The following KHDRBS1 variants were observed in gnomAD, a reference collection of about 807,000 sequenced individuals.
The protein encoded by KHDRBS1 is KH domain-containing, RNA-binding, signal transduction-associated protein 1.
A neutral mutation model predicts 48.4 loss-of-function variants in KHDRBS1; 7 were observed. The observed-to-expected ratio is 0.14, with a 90% CI of 0.08 to 0.27. The LOEUF is 0.27. Among genes scored for constraint, KHDRBS1 ranks in the 10% least tolerant of loss-of-function variants. The pLI is 1.00. For synonymous variants in KHDRBS1, 241 were observed against 235.8 expected (o/e 1.02, Z -0.20); for missense variants, 458 against 601.2 (o/e 0.76, Z 2.49).
chr1:32,038,341 A>T (rs370513768), intron 6 of KHDRBS1, among the ~76,000 whole-genome samples: 1 of 152,068 alleles, frequency 6.6e-6, no homozygotes, highest in Non-Finnish European at 1.5e-5. Flanking sequence ...TCCTGCCCAC[A>T]CTTCTTCTGT....
At chr1:32,036,243 C>T (rs1569801004) in intron 4 of KHDRBS1, among the ~76,000 whole-genome samples, 2 of 133,106 alleles carry the variant, frequency 1.5e-5, no homozygotes, top group Admixed American at 9.0e-5. Flanking sequence ...GCTATCTTGG[C>T]TCACTGCAAG....
chr1:32,036,122 A>T (rs991949925), intron 4 of KHDRBS1, among the ~76,000 whole-genome samples: 1 of 151,416 alleles, frequency 6.6e-6, no homozygotes, highest in Non-Finnish European at 1.5e-5. Context: ...TTAACTGTAA[A>T]ATGTGGAGAT....
chr1:32,030,521 A>AGTTT, intron 2 of KHDRBS1, 99 bp downstream of exon 2: 2 of 1,002,444 alleles, frequency 2.0e-6, no homozygotes, highest in Non-Finnish European at 2.8e-6. Flanking sequence ...TGCTTTAGAA[A>AGTTT]CTTAAGCCTG....
intron 1 of KHDRBS1, among the ~76,000 whole-genome samples, chr1:32,027,956 T>C (rs1251290537): frequency 6.6e-6 from 1 of 151,726 alleles, no homozygotes; most frequent in Non-Finnish European, 1.5e-5. Flanking sequence ...CTACTAAAAA[T>C]AGGGAAAAAA....
intron 3 of KHDRBS1, among the ~76,000 whole-genome samples, chr1:32,032,881 G>C (rs1044316164): frequency 4.6e-5 from 7 of 151,998 alleles, no homozygotes; most frequent in African/African-American, 1.7e-4. Context: ...GTAGAGACGG[G>C]GCTTCATCAC....
rs757671366 is a variant in KHDRBS1 at position 32,013,945 on chromosome 1, T to A, written c.-51T>A. 1.4e-5 allele frequency: 20 copies of A among 1,383,782 alleles called. No individual in the cohort carries two copies. The highest frequency in any genetic ancestry group is 1.8e-5 in the Non-Finnish European group (19 of 1,071,932). 85.7% of individuals were successfully genotyped at this position (1,383,782 alleles called of 1,614,324 possible). On this transcript the variant is annotated 5_prime_UTR_variant, in exon 1 of 9. Transcript: ENST00000327300. ...ACCCCCGCCAACCGCCGCTCGGGCC[T>A]CCGTCGCTGCCGCGTCGCTTTCTCG...
chr1:32,043,445 T>G lies in KHDRBS1; in HGVS notation c.*821T>G, dbSNP rs1228297455. The G allele has an allele frequency of 6.6e-6, 1 of 152,570 alleles. No homozygotes were observed. Among genetic ancestry groups the G allele is most frequent in the Non-Finnish European group, 1.5e-5 (1 of 68,024 alleles). The allele number at this position is 152,570 out of a possible 1,614,324, so 9.5% of individuals were successfully genotyped here. Reference sequence around the variant, plus strand: ...GAGGGAAGGCCTCCTGAATTGAGTTTGATGCAGAGCTTTTTAGCCATGAAG... The same window carrying G: ...GAGGGAAGGCCTCCTGAATTGAGTTGGATGCAGAGCTTTTTAGCCATGAAG... On this transcript the variant is annotated 3_prime_UTR_variant, in exon 9 of 9. Coordinates refer to ENST00000327300, the MANE Select transcript of KHDRBS1 (RefSeq NM_006559.3).
At chr1:32,036,163 A>ATTTTTTTTTTTTTTTTTTTTTT (rs397742842) in intron 4 of KHDRBS1, among the ~76,000 whole-genome samples, 1 of 60,470 alleles carries the variant, frequency 1.7e-5, no homozygotes, top group African/African-American at 7.3e-5. Flanking sequence ...CATTTTGAAG[A>ATTTTTTTTTTTTTTTTTTTTTT]TTTTTTTTTT....
intron 1 of KHDRBS1, among the ~76,000 whole-genome samples, chr1:32,025,732 C>CTCCT (rs370649470): frequency 4.4e-4 from 58 of 133,084 alleles, no homozygotes; most frequent in African/African-American, 1.6e-3. Flanking sequence ...CCTCCCTTCC[C>CTCCT]TCCTTCCTTC....
chr1:32,045,498 G>A (rs1203456357), downstream of KHDRBS1: 1 of 152,488 alleles, frequency 6.6e-6, no homozygotes, highest in Non-Finnish European at 1.5e-5. Flanking sequence ...AATCTTTTTT[G>A]TGGTCATTTG....
At chr1:32,028,418 C>T (rs992892393) in intron 1 of KHDRBS1, among the ~76,000 whole-genome samples, 1 of 149,826 alleles carries the variant, frequency 6.7e-6, no homozygotes, top group African/African-American at 2.5e-5. Context: ...TATTCTATTA[C>T]AGACTATTCT....
At chr1:32,037,797 A>G (rs778046001) in intron 5 of KHDRBS1, 38 bp from the exon 6 acceptor site, 1 of 1,601,520 alleles carries the variant, frequency 6.2e-7, no homozygotes, top group African/African-American at 1.3e-5. Flanking sequence ...TGGCCTGTTT[A>G]TAAAAAGCTC....
intron 1 of KHDRBS1, among the ~76,000 whole-genome samples, chr1:32,020,434 C>T (rs72876670): frequency 0.034 from 5,145 of 150,822 alleles, 286 homozygotes; most frequent in African/African-American, 0.12. Context: ...AAAAAAAAAA[C>T]GTGCTTACCG....
chr1:32,039,995 T>C (rs1434611813), intron 8 of KHDRBS1, among the ~76,000 whole-genome samples: 21 of 152,114 alleles, frequency 1.4e-4, no homozygotes, highest in Non-Finnish European at 3.1e-4. Context: ...ACTGTACTCA[T>C]CTACCCCATT....
chr1:32,035,169 C>T (rs1448548586), intron 4 of KHDRBS1, among the ~76,000 whole-genome samples: 1 of 152,070 alleles, frequency 6.6e-6, no homozygotes, highest in African/African-American at 2.4e-5. Context: ...CATTGTTAGT[C>T]TCCCTCATAT....
chr1:32,014,001 G>C lies in KHDRBS1; in HGVS notation c.6G>C (p.Gln2His). ...TGGATCGCACATCCTCCCAGATGCA[G>C]CGCCGGGACGACCCCGCCGCGCGCA... M[Q>H]RRDDPAARMS... The change falls in exon 1 of 9, where the codon CAG becomes CAC. Residue 2 changes from glutamine to histidine, a missense_variant. Gln to His is a conservative substitution (Grantham distance 24). This residue lies in a region of KHDRBS1 where 213 missense variants were observed against 215.6 expected (regional missense o/e 0.99). Transcript: ENST00000327300. The C allele has an allele frequency of 1.3e-6, 2 of 1,520,522 alleles. No individual in the cohort carries two copies. The highest frequency in any genetic ancestry group is 2.1e-5 in the Admixed American group (1 of 48,204). The allele number at this position is 1,520,522 out of a possible 1,614,324, so 94.2% of individuals were successfully genotyped here.
At chr1:32,056,478 C>T (rs72878634) in intron 10 of KHDRBS1, among the ~76,000 whole-genome samples, 7,363 of 152,250 alleles carry the variant, frequency 0.048, 588 homozygotes, top group African/African-American at 0.17. Context: ...GGCTGTTCCC[C>T]TGTCAACCTC....
chr1:32,025,975 C>T (rs1569780950), intron 1 of KHDRBS1, among the ~76,000 whole-genome samples: 2 of 150,248 alleles, frequency 1.3e-5, no homozygotes, highest in African/African-American at 5.0e-5. Context: ...GACAGGGTCT[C>T]GCTGTGTTGC....
intron 10 of KHDRBS1, among the ~76,000 whole-genome samples, chr1:32,048,980 C>G (rs1166885943): frequency 6.6e-6 from 1 of 151,586 alleles, no homozygotes; most frequent in Non-Finnish European, 1.5e-5. Context: ...AGACCACTTT[C>G]TGTATGATTT....
Sources: allele counts gnomAD v4.1 joint callset (sites outside exome capture counted in the v4.1 genomes callset), GRCh38; gene constraint gnomAD v4.1.1; regional missense constraint gnomAD v4.1.1; transcripts MANE v1.5; gene names NCBI Gene and HGNC (gene_info 2026-07-23, HGNC 2026-07-21).